TSACC: variants seen among roughly 807,000 people sequenced by gnomAD.
TSACC encodes TSSK6-activating co-chaperone protein.
In TSACC, 3 loss-of-function variants were observed where a neutral mutation model predicts 6.9. That is an observed-to-expected ratio of 0.43 (90% CI 0.20 to 1.12). TSACC has a LOEUF of 1.12. TSACC is among the 50% of genes most tolerant of loss of function. TSACC has a pLI of 0.28. For missense variants in TSACC, 137 were observed against 143.9 expected (o/e 0.95, Z 0.24); for synonymous variants, 54 against 55.1 (o/e 0.98, Z 0.09).
intron 2 of TSACC, among the ~76,000 whole-genome samples, chr1:156,341,096 C>T (rs763112502): frequency 7.9e-5 from 12 of 152,072 alleles, no homozygotes; most frequent in African/African-American, 1.9e-4. Context: ...GGATTACAGG[C>T]GTGAGCCATC....
intron 1 of TSACC, chr1:156,338,967 T>C (rs1288457694): frequency 6.6e-6 from 1 of 152,164 alleles, no homozygotes; most frequent in Non-Finnish European, 1.5e-5. Context: ...TCTAAAATAT[T>C]TTCCCAAGTA....
At chr1:156,338,018 T>C (rs2101689351), upstream of TSACC, 1 of 942,088 alleles carries the variant, frequency 1.1e-6, no homozygotes, top group Non-Finnish European at 1.7e-6. Context: ...AGCGGGACAC[T>C]GGGCTTCCAA....
chr1:156,344,779 C>A, intron 3 of TSACC, 71 bp downstream of exon 3: 1 of 1,561,270 alleles, frequency 6.4e-7, no homozygotes. Flanking sequence ...GTGGCTTGAG[C>A]TGTCGCCTAT....
rs776843402 is a variant in TSACC, at chr1:156,339,651, T to G, written c.-107T>G. The G allele has an allele frequency of 3.5e-6, 5 of 1,428,898 alleles. No homozygotes were observed. The highest frequency in any genetic ancestry group is 4.9e-6 in the Non-Finnish European group (5 of 1,027,650). 88.5% of individuals were successfully genotyped at this position (1,428,898 alleles called of 1,614,324 possible). On this transcript the variant is annotated 5_prime_UTR_variant, in exon 2 of 4. Transcript: ENST00000368254. ...CTCTGCAGATTGGAACAGGCTGAGA[T>G]CTGCTGGAGACAACTTAGGAAATTA...
chr1:156,346,443 A>G (rs141506495), intron 3 of TSACC, among the ~76,000 whole-genome samples: 1 of 152,258 alleles, frequency 6.6e-6, no homozygotes, highest in African/African-American at 2.4e-5. Context: ...ATCAGATAAA[A>G]ATCCTTGCCT....
chr1:156,339,547 T>A, intron 1 of TSACC, 87 bp from the exon 2 acceptor site: 1 of 508,456 alleles, frequency 2.0e-6, no homozygotes, highest in Non-Finnish European at 3.5e-6. Context: ...TTTTCCAAAC[T>A]AGTGAAGGGG....
Position 156,339,792 on chromosome 1 carries a change from G to A in TSACC, c.34+1G>A. The A allele has an allele frequency of 6.2e-7, 1 of 1,613,718 alleles. No individual in the cohort carries two copies. The highest frequency in any genetic ancestry group is 1.1e-5 in the South Asian group (1 of 91,034). ...CACACTAGTCATCCTAACAGAAAAG[G>A]TGTGTGTTGGAGGCCCTGCTTCCCC... On this transcript the variant is annotated splice_donor_variant, in intron 2 of 3. Transcript: ENST00000368254. LOFTEE classifies it high-confidence loss of function.
intron 2 of TSACC, among the ~76,000 whole-genome samples, chr1:156,340,458 C>CTTTTTT (rs1294722828): frequency 8.9e-6 from 1 of 111,796 alleles, no homozygotes; most frequent in African/African-American, 3.2e-5. Context: ...CGCCCCCGGC[C>CTTTTTT]TTTTTTTTTT....
chr1:156,343,003 TGAG>T (rs1665979906), intron 2 of TSACC, among the ~76,000 whole-genome samples: 1 of 152,252 alleles, frequency 6.6e-6, no homozygotes, highest in Non-Finnish European at 1.5e-5. Context: ...TCTAGACTCC[TGAG>T]GAGGAGTTCC....
At chr1:156,338,490 C>G, upstream of TSACC, 1 of 524,460 alleles carries the variant, frequency 1.9e-6, no homozygotes, top group Non-Finnish European at 3.4e-6. Context: ...CGGCCGCGTG[C>G]AGCGCGAACG....
chr1:156,341,432 A>G (rs1023780988), intron 2 of TSACC, among the ~76,000 whole-genome samples: 1 of 152,148 alleles, frequency 6.6e-6, no homozygotes, highest in Non-Finnish European at 1.5e-5. Context: ...TGATCACCTA[A>G]TGACTGTCTA....
intron 2 of TSACC, among the ~76,000 whole-genome samples, chr1:156,341,403 A>C (rs1665876246): frequency 6.6e-6 from 1 of 152,096 alleles, no homozygotes; most frequent in Admixed American, 6.6e-5. Context: ...ACTTACTGAA[A>C]TGTAATAGTT....
chr1:156,346,193 CAAA>C (rs60688957), intron 3 of TSACC, among the ~76,000 whole-genome samples: 11 of 53,590 alleles, frequency 2.1e-4, no homozygotes, highest in Admixed American at 2.0e-4. Context: ...ACTCCGTCTC[CAAA>C]AAAAAAAAAA....
upstream of TSACC, chr1:156,338,121 G>A: frequency 6.4e-7 from 1 of 1,573,316 alleles, no homozygotes; most frequent in East Asian, 2.3e-5. Context: ...AGGGCGAAAA[G>A]GGGGTCCATT....
intron 2 of TSACC, among the ~76,000 whole-genome samples, chr1:156,341,509 A>G (rs1235121196): frequency 6.6e-6 from 1 of 152,176 alleles, no homozygotes; most frequent in Non-Finnish European, 1.5e-5. Context: ...GGTATCCACA[A>G]TGACCCTACT....
At chr1:156,338,684 C>T in intron 1 of TSACC, 79 bp downstream of exon 1, 1 of 162,522 alleles carries the variant, frequency 6.2e-6, no homozygotes. Flanking sequence ...AGTTCCCACT[C>T]TTTTGGTCTA....
upstream of TSACC, chr1:156,338,059 C>T: frequency 7.3e-7 from 1 of 1,361,750 alleles, no homozygotes; most frequent in Non-Finnish European, 1.0e-6. Context: ...GGCTCAGTGG[C>T]CCGGTCAGTG....
In TSACC at chr1:156,346,854, A is replaced by C. The variant is rs537747775; in HGVS notation, c.250A>C (p.Met84Leu). Reference sequence around the variant, plus strand: ...TCAGACCCAGCTCGCCCAACAACAGATGGCTGTTTTGGAACATTTACAGGC... The same window carrying C: ...TCAGACCCAGCTCGCCCAACAACAGCTGGCTGTTTTGGAACATTTACAGGC... The part of the protein sequence containing the change: ...QLQTQLAQQQ[M>L]AVLEHLQASV... The change falls in exon 4 of 4, where the codon ATG (methionine) becomes CTG (leucine). Residue 84 changes from methionine to leucine, a missense_variant. By Grantham distance (15) the Met-to-Leu change is conservative. Transcript: ENST00000368254. 55 of 1,614,120 alleles carry C rather than the reference A, an allele frequency of 3.4e-5. No homozygotes were observed. Among genetic ancestry groups the C allele is most frequent in the Admixed American group, 2.3e-4 (14 of 60,010 alleles).
chr1:156,346,556 G>C (rs1666192116), intron 3 of TSACC, among the ~76,000 whole-genome samples: 1 of 152,124 alleles, frequency 6.6e-6, no homozygotes, highest in South Asian at 2.1e-4. Context: ...AACAAGGGAG[G>C]GGGTAATAAG....
Sources: gnomAD v4.1 joint callset for allele counts (sites outside exome capture counted in the v4.1 genomes callset) on GRCh38, gnomAD v4.1.1 for gene constraint, MANE v1.5 for transcripts, NCBI Gene and HGNC (gene_info 2026-07-23, HGNC 2026-07-21) for gene names.